Variants in AFF2 observed in about 807,000 individuals in gnomAD.
AFF2 encodes ALF transcription elongation factor 2, also known as AF4/FMR2 family member 2.
A neutral mutation model predicts 76.9 loss-of-function variants in AFF2; 14 were observed. The ratio of observed to expected loss-of-function variants is 0.18; its 90% confidence interval spans 0.12 to 0.28. The LOEUF (loss-of-function observed/expected upper bound fraction) is 0.28. Ranked by LOEUF, AFF2 falls within the 10% of genes least tolerant of loss-of-function variation. The probability of loss-of-function intolerance (pLI) is 1.00; values close to 1 mark genes in which losing one functional copy is unlikely to be tolerated. For synonymous variants in AFF2, 398 were observed against 366.7 expected, an observed-to-expected ratio of 1.09 and a Z score of -0.98; for missense variants, 868 against 1,001.1, an observed-to-expected ratio of 0.87 and a Z score of 1.79.
intron 9 of AFF2, among the ~76,000 whole-genome samples, chrX:148,929,691 C>T (rs1359318191): frequency 8.9e-6 from 1 of 111,984 alleles, no homozygotes; most frequent in African/African-American, 3.3e-5. Context: ...CTAGTCGTAG[C>T]TTAGCTAAGA....
At chrX:148,754,857 C>T (rs896347909) in intron 3 of AFF2, among the ~76,000 whole-genome samples, 2 of 111,439 alleles carry the variant, frequency 1.8e-5, no homozygotes, top group Non-Finnish European at 3.8e-5. Flanking sequence ...CCCTGCCCTC[C>T]GGAAGCTCAT....
chrX:148,592,670 C>T (rs2053534619), intron 1 of AFF2, among the ~76,000 whole-genome samples: 2 of 111,523 alleles, frequency 1.8e-5, no homozygotes, highest in South Asian at 7.4e-4. Flanking sequence ...GAGACTGTTA[C>T]TAGCCTGGTA....
chrX:148,973,383 G>T, intron 15 of AFF2, 88 bp from the exon 16 acceptor site: 1 of 1,109,994 alleles, frequency 9.0e-7, no homozygotes, highest in East Asian at 3.1e-5. Context: ...TGGGAAGGGG[G>T]CAAAACTACC....
At chrX:148,823,400 C>T (rs1176118658) in intron 4 of AFF2, among the ~76,000 whole-genome samples, 1 of 111,857 alleles carries the variant, frequency 8.9e-6, no homozygotes, top group Non-Finnish European at 1.9e-5. Flanking sequence ...ACACCAACCA[C>T]ATGTGGCTGG....
At chrX:148,765,702 A>T (rs2069505313) in intron 3 of AFF2, among the ~76,000 whole-genome samples, 1 of 108,031 alleles carries the variant, frequency 9.3e-6, no homozygotes, top group African/African-American at 3.4e-5. Flanking sequence ...ATTTATTTTT[A>T]TTTTATTTAT....
At chrX:148,839,262 A>G (rs782669110) in intron 5 of AFF2, among the ~76,000 whole-genome samples, 1 of 112,186 alleles carries the variant, frequency 8.9e-6, no homozygotes, top group Non-Finnish European at 1.9e-5. Context: ...AAGCAAGTGG[A>G]CTAAAATGGT....
At chrX:148,807,276 C>T (rs1557271424) in intron 3 of AFF2, among the ~76,000 whole-genome samples, 2 of 111,570 alleles carry the variant, frequency 1.8e-5, no homozygotes, top group Admixed American at 9.5e-5. Flanking sequence ...TTTGAAAAGA[C>T]GAGAAGACAG....
intron 3 of AFF2, among the ~76,000 whole-genome samples, chrX:148,715,311 A>G (rs987790244): frequency 9.0e-6 from 1 of 111,721 alleles, no homozygotes; most frequent in Non-Finnish European, 1.9e-5. Flanking sequence ...ATGTCACTAG[A>G]TTTAGTTTCT....
intron 1 of AFF2, among the ~76,000 whole-genome samples, chrX:148,644,725 A>G (rs2054127243): frequency 8.9e-6 from 1 of 112,323 alleles, no homozygotes; most frequent in African/African-American, 3.2e-5. Context: ...GAAAAGACAA[A>G]TGATCTCTTC....
At chrX:148,696,079 G>A (rs900321903) in intron 3 of AFF2, among the ~76,000 whole-genome samples, 1 of 112,017 alleles carries the variant, frequency 8.9e-6, no homozygotes, top group East Asian at 2.8e-4. Flanking sequence ...CTCAGTTTTG[G>A]TTTATCAGTG....
chrX:148,836,799 G>C (rs1331894978), intron 4 of AFF2, among the ~76,000 whole-genome samples: 1 of 111,722 alleles, frequency 9.0e-6, no homozygotes, highest in Non-Finnish European at 1.9e-5. Context: ...CTGAGTATTT[G>C]AAAGAGCTGA....
At chrX:148,889,263 C>A (rs1557279457) in intron 8 of AFF2, among the ~76,000 whole-genome samples, 1 of 111,479 alleles carries the variant, frequency 9.0e-6, no homozygotes, top group African/African-American at 3.3e-5. Flanking sequence ...AGAACAGCCT[C>A]CCCTTTTTCT....
At position 148,652,005 on chromosome X, in the gene AFF2, T is replaced by C. The variant is rs2054207199; in HGVS notation, c.54T>C (p.Tyr18=). Reference sequence around the variant, plus strand: ...CTTTTCCTTTTCATATCAGTCACTATGAACAAGACCGTAGTGCACTTAAAA... The same window carrying C: ...CTTTTCCTTTTCATATCAGTCACTACGAACAAGACCGTAGTGCACTTAAAA... ...RDWDLEQQCH[Y]EQDRSALKKR... Residue 18 remains tyrosine (Y), a synonymous_variant, in exon 2 of 21, where the codon TAT becomes TAC. Transcript: ENST00000370460. The C allele has an allele frequency of 2.5e-6, 3 of 1,186,258 alleles. No individual in the cohort carries two copies. The highest frequency in any genetic ancestry group is 3.4e-6 in the Non-Finnish European group (3 of 883,527).
chrX:148,853,604 T>TC (rs2070755948), intron 7 of AFF2, among the ~76,000 whole-genome samples: 1 of 111,896 alleles, frequency 8.9e-6, no homozygotes, highest in Admixed American at 9.5e-5. Flanking sequence ...AAGTGAGGCG[T>TC]CCCAGCTCAC....
chrX:148,617,100 G>A (rs1270023553), intron 1 of AFF2, among the ~76,000 whole-genome samples: 1 of 111,602 alleles, frequency 9.0e-6, no homozygotes, highest in Non-Finnish European at 1.9e-5. Flanking sequence ...GTAATGGGAT[G>A]GCTGGGTCAA....
Position 148,670,093 on chromosome X carries a change from T to G in AFF2, c.1041+7325T>G, listed in dbSNP as rs190559181. Among the ~76,000 whole-genome samples, 4 of 112,062 alleles carry G rather than the reference T, an allele frequency of 3.6e-5. No individual in the cohort carries two copies. In the East Asian group the frequency reaches 1.1e-3, roughly 31 times the overall value. ...CTTTCTCTTCATATTTCCCCTAACT[T>G]TAGTGTCTCCCTAAGCTAAATGAAG... On this transcript the variant is annotated intron_variant, in intron 3 of 20. Transcript: ENST00000370460.
At chrX:148,591,970 G>A (rs782493728) in intron 1 of AFF2, among the ~76,000 whole-genome samples, 1 of 111,868 alleles carries the variant, frequency 8.9e-6, no homozygotes, top group Non-Finnish European at 1.9e-5. Flanking sequence ...CATTAGCTCT[G>A]CCTAAGACAA....
chrX:148,812,239 A>T (rs1173975049), intron 4 of AFF2, among the ~76,000 whole-genome samples: 1 of 111,229 alleles, frequency 9.0e-6, no homozygotes, highest in Non-Finnish European at 1.9e-5. Context: ...TTCCGCAGTA[A>T]ATTTGTCACC....
chrX:148,644,583 T>A (rs1254001278), intron 1 of AFF2, among the ~76,000 whole-genome samples: 1 of 112,320 alleles, frequency 8.9e-6, no homozygotes, highest in Non-Finnish European at 1.9e-5. Flanking sequence ...TGCACAAGTC[T>A]ATTCTTGTAA....
Sources: allele counts gnomAD v4.1 joint callset (sites outside exome capture counted in the v4.1 genomes callset), GRCh38; gene constraint gnomAD v4.1.1; transcripts MANE v1.5; gene names NCBI Gene and HGNC (gene_info 2026-07-23, HGNC 2026-07-21).